Variants in IARS2 observed in about 807,000 individuals in gnomAD.
IARS2 encodes isoleucyl-tRNA synthetase 2, mitochondrial, also known as isoleucine--tRNA ligase, mitochondrial.
In IARS2, 56 loss-of-function variants were observed where a neutral mutation model predicts 126.3. The observed-to-expected ratio is 0.44, with a 90% CI of 0.36 to 0.55. The LOEUF (loss-of-function observed/expected upper bound fraction) is 0.55, where lower values mean the gene tolerates loss of function less well. IARS2 is among the 20% of genes least tolerant of loss of function. The pLI is 0.00. For missense variants in IARS2, 1,127 were observed against 1,245.9 expected (o/e 0.90, Z 1.44); for synonymous variants, 407 against 441.1 (o/e 0.92, Z 0.97).
chr1:220,119,265 G>C (rs1656988774), intron 12 of IARS2, among the ~76,000 whole-genome samples: 1 of 152,058 alleles, frequency 6.6e-6, no homozygotes, highest in African/African-American at 2.4e-5. Context: ...CATGTGTTGA[G>C]ATAAGGCCTT....
At chr1:220,103,081 C>G (rs75683410) in intron 7 of IARS2, among the ~76,000 whole-genome samples, 10,850 of 150,636 alleles carry the variant, frequency 0.072, 521 homozygotes, top group South Asian at 0.15. Context: ...CCTTTTGTTG[C>G]CCAGGCTGGA....
intron 11 of IARS2, among the ~76,000 whole-genome samples, chr1:220,112,614 A>G (rs2102824257): frequency 7.4e-6 from 1 of 135,794 alleles, no homozygotes; most frequent in East Asian, 2.1e-4. Flanking sequence ...GCTGGAGTGC[A>G]GTGGTGTGAT....
At chr1:220,101,313 A>G (rs1656566212) in intron 3 of IARS2, among the ~76,000 whole-genome samples, 4 of 152,230 alleles carry the variant, frequency 2.6e-5, no homozygotes. Flanking sequence ...ACAGTAATAA[A>G]ATTTTAACTT....
chr1:220,120,666 G>A (rs1268145632), intron 12 of IARS2, among the ~76,000 whole-genome samples: 3 of 152,046 alleles, frequency 2.0e-5, no homozygotes, highest in East Asian at 1.9e-4. Context: ...GTGAGCCACC[G>A]TGCCCGCCCA....
intron 8 of IARS2, among the ~76,000 whole-genome samples, chr1:220,104,143 T>C (rs547355676): frequency 2.0e-5 from 3 of 152,254 alleles, no homozygotes; most frequent in Admixed American, 1.3e-4. Context: ...CCGGCTAATT[T>C]TGAAAAAATA....
chr1:220,138,944 T>C, intron 17 of IARS2, 64 bp from the exon 18 acceptor site: 1 of 1,429,808 alleles, frequency 7.0e-7, no homozygotes, highest in East Asian at 2.3e-5. Context: ...AAAATAACTT[T>C]TCAGTGAAAA....
intron 10 of IARS2, 103 bp from the exon 11 acceptor site, chr1:220,110,683 C>T: frequency 1.1e-6 from 1 of 873,168 alleles, no homozygotes; most frequent in Non-Finnish European, 1.8e-6. Context: ...CTCTTATTGC[C>T]ACCTGTTGCT....
At chr1:220,142,319 C>T (rs1024071183) in intron 20 of IARS2, among the ~76,000 whole-genome samples, 7 of 152,028 alleles carry the variant, frequency 4.6e-5, no homozygotes, top group South Asian at 2.1e-4. Context: ...GCCAACATGG[C>T]GAAACCCCAT....
intron 21 of IARS2, chr1:220,144,002 T>G: frequency 6.6e-7 from 1 of 1,525,826 alleles, no homozygotes; most frequent in Non-Finnish European, 9.0e-7. Context: ...TGTTTTCATC[T>G]TGCTTCTTCA....
chr1:220,096,417 C>T (rs1279297334), intron 2 of IARS2, among the ~76,000 whole-genome samples, 191 bp downstream of exon 2: 6 of 152,056 alleles, frequency 3.9e-5, no homozygotes, highest in African/African-American at 4.8e-5. Flanking sequence ...TTGAGCTTAA[C>T]GTTATATTAG....
At chr1:220,134,069 C>T (rs1390385199) in intron 14 of IARS2, among the ~76,000 whole-genome samples, 5 of 152,114 alleles carry the variant, frequency 3.3e-5, no homozygotes. Flanking sequence ...TCATGCAGTA[C>T]AGGTTTATTT....
chr1:220,135,044 A>G (rs1464983184), intron 15 of IARS2, among the ~76,000 whole-genome samples: 2 of 152,164 alleles, frequency 1.3e-5, no homozygotes, highest in Non-Finnish European at 2.9e-5. Context: ...GTAGGATTAT[A>G]GGCGTGAGCC....
Position 220,147,809 on chromosome 1 carries a change from A to G in IARS2, c.*174A>G. ...GAAGAAGTATTTCCTGTAACTATAG[A>G]AAGAATTATGTATATATACATGCAG... On this transcript the variant is annotated 3_prime_UTR_variant, in exon 23 of 23. Coordinates refer to ENST00000366922, the MANE Select transcript of IARS2 (RefSeq NM_018060.4). The G allele has an allele frequency of 1.6e-6, 1 of 621,462 alleles. No homozygotes were observed. The highest frequency in any genetic ancestry group is 2.7e-5 in the East Asian group (1 of 36,372). The allele number at this position is 621,462 out of a possible 1,614,324, so 38.5% of individuals were successfully genotyped here. A position where few individuals can be genotyped will look rare whatever the true frequency, so the allele number is the denominator to read the frequency against.
At chr1:220,111,598 A>ATATATGTGTGTG (rs374024744) in intron 11 of IARS2, among the ~76,000 whole-genome samples, 1,775 of 134,716 alleles carry the variant, frequency 0.013, 10 homozygotes, top group Middle Eastern at 0.022. Context: ...ATATATATAT[A>ATATATGTGTGTG]TGTGTGTGTG....
At position 220,094,254 on chromosome 1, in the gene IARS2, C is replaced by A; in HGVS notation, c.38C>A (p.Ala13Asp). ...CTGCGCCCTCGCGGGCCGGGCGCGG[C>A]CGCCCTGGCCACTGCCCGAAGTTTG... The part of the protein sequence containing the change: ...WGLRPRGPGA[A>D]ALATARSLWG... The change falls in exon 1 of 23, where the codon GCC becomes GAC. Residue 13 changes from alanine to aspartate, a missense_variant. Coordinates refer to ENST00000366922, the MANE Select transcript of IARS2 (RefSeq NM_018060.4). 1.9e-6 allele frequency: 3 copies of A among 1,599,772 alleles called. No individual in the cohort carries two copies. Among genetic ancestry groups the A allele is most frequent in the Non-Finnish European group, 1.7e-6 (2 of 1,173,132 alleles).
chr1:220,112,183 G>A lies in IARS2; in HGVS notation c.1479+1246G>A, dbSNP rs1255530435. Among the ~76,000 whole-genome samples the A allele has an allele frequency of 1.0e-4, 6 of 57,230 alleles. 2 individuals are homozygous for A. The highest frequency in any genetic ancestry group is 7.4e-4 in the Admixed American group (4 of 5,434). The allele number at this position is 57,230 out of a possible 152,430, so 37.5% of individuals were successfully genotyped here. ...CGCTCTGTCGCCCAGGTCGGACTGC[G>A]GACTGCAGTGGCGCAATCTCGGCTC... On this transcript the variant is annotated intron_variant, in intron 11 of 22. Coordinates refer to ENST00000366922, the MANE Select transcript of IARS2 (RefSeq NM_018060.4).
At chr1:220,100,456 T>C (rs1351527101) in intron 2 of IARS2, 34 bp from the exon 3 acceptor site, 3 of 1,510,488 alleles carry the variant, frequency 2.0e-6, no homozygotes, top group African/African-American at 1.4e-5. Context: ...AAATATTTTA[T>C]GTATGAATGA....
chr1:220,141,969 T>A, intron 20 of IARS2, 21 bp downstream of exon 20: 1 of 1,605,580 alleles, frequency 6.2e-7, no homozygotes, highest in Non-Finnish European at 8.5e-7. Context: ...CTTCATTTAT[T>A]CTCTTAATGA....
intron 20 of IARS2, among the ~76,000 whole-genome samples, chr1:220,142,441 G>A (rs1657508652): frequency 6.6e-6 from 1 of 152,150 alleles, no homozygotes; most frequent in Non-Finnish European, 1.5e-5. Context: ...GGTGGAAGTT[G>A]CAGTGAGCCA....
Sources: gnomAD v4.1 joint callset for allele counts (sites outside exome capture counted in the v4.1 genomes callset) on GRCh38, gnomAD v4.1.1 for gene constraint, MANE v1.5 for transcripts, NCBI Gene and HGNC (gene_info 2026-07-23, HGNC 2026-07-21) for gene names.